The following PPM1E variants were observed in gnomAD, a reference collection of about 807,000 sequenced individuals.
The protein encoded by PPM1E is protein phosphatase, Mg2+/Mn2+ dependent 1E.
Under a neutral mutation model 65.9 loss-of-function variants are expected in PPM1E, and 20 were observed. The ratio of observed to expected loss-of-function variants is 0.30; its 90% CI spans 0.21 to 0.44. The LOEUF (loss-of-function observed/expected upper bound fraction) is 0.44, where lower values mean the gene tolerates loss of function less well. PPM1E is among the 20% of genes least tolerant of loss of function. The pLI, the probability that PPM1E is intolerant of heterozygous loss-of-function variation, is 1.00. For synonymous variants in PPM1E, 352 were observed against 374.9 expected (o/e 0.94, Z 0.70); for missense variants, 713 against 953.1 (o/e 0.75, Z 3.32).
intron 6 of PPM1E, among the ~76,000 whole-genome samples, chr17:58,974,857 A>G (rs2030894586): frequency 6.6e-6 from 1 of 152,212 alleles, no homozygotes; most frequent in African/African-American, 2.4e-5. Flanking sequence ...AAATATGAGT[A>G]GAAAGCTGAA....
At chr17:58,859,640 T>G (rs893418103) in intron 1 of PPM1E, among the ~76,000 whole-genome samples, 2 of 152,236 alleles carry the variant, frequency 1.3e-5, no homozygotes, top group Non-Finnish European at 2.9e-5. Flanking sequence ...GCATCTTCAG[T>G]TAAAGTATTT....
rs779202640 is a variant in PPM1E at position 58,980,209 on chromosome 17, G to A, written c.1446G>A (p.Thr482=). The change falls in exon 7 of 7, where the codon ACG becomes ACA. Residue 482 remains threonine, a synonymous_variant. Transcript: ENST00000308249. This position sits in a 1 kb window ranked among gnomAD's most constrained non-coding sequence, Gnocchi z 4.7. ...ATGCTGGGTCAAGTGATAACATCACGGTTATTGTGGTATTCCTGAGGGACA... is the reference window on the plus strand; with the variant it reads ...ATGCTGGGTCAAGTGATAACATCACAGTTATTGTGGTATTCCTGAGGGACA... ...ARDAGSSDNI[T]VIVVFLRDMN... 4.5e-4 allele frequency: 720 copies of A among 1,614,028 alleles called. 1 individual carries two copies. Among genetic ancestry groups the A allele is most frequent in the Non-Finnish European group, 5.8e-4 (683 of 1,180,032 alleles).
intron 1 of PPM1E, among the ~76,000 whole-genome samples, chr17:58,953,076 C>A (rs1438835262): frequency 6.6e-6 from 1 of 152,158 alleles, no homozygotes; most frequent in Middle Eastern, 3.2e-3. Context: ...CCCGCTGTAA[C>A]CCAATATACC....
chr17:58,867,324 G>A (rs1433052620), intron 1 of PPM1E, among the ~76,000 whole-genome samples: 1 of 152,136 alleles, frequency 6.6e-6, no homozygotes, highest in Non-Finnish European at 1.5e-5. Context: ...ACTCAAAATT[G>A]TTACTACCAG....
chr17:58,769,762 C>T (rs1159394958), intron 1 of PPM1E, among the ~76,000 whole-genome samples: 1 of 152,014 alleles, frequency 6.6e-6, no homozygotes, highest in African/African-American at 2.4e-5. Flanking sequence ...TGTGGTGGCT[C>T]ATGCCTGTAA....
At chr17:58,830,169 T>C (rs1598597926) in intron 1 of PPM1E, among the ~76,000 whole-genome samples, 1 of 152,248 alleles carries the variant, frequency 6.6e-6, no homozygotes, top group East Asian at 1.9e-4. Context: ...AGCAAGACAC[T>C]GTCTCTCTAA....
chr17:58,859,310 C>G (rs1392196920), intron 1 of PPM1E, among the ~76,000 whole-genome samples: 1 of 152,194 alleles, frequency 6.6e-6, no homozygotes, highest in African/African-American at 2.4e-5. Context: ...GAAGATGCAG[C>G]TGCATGCTAC....
intron 1 of PPM1E, among the ~76,000 whole-genome samples, chr17:58,847,753 G>A (rs1220121285): frequency 1.3e-5 from 2 of 152,172 alleles, no homozygotes; most frequent in Non-Finnish European, 2.9e-5. Context: ...TGGCAATGCA[G>A]GCTCTTTTTT....
intron 1 of PPM1E, among the ~76,000 whole-genome samples, chr17:58,784,493 C>A (rs997179223): frequency 4.7e-5 from 7 of 149,188 alleles, no homozygotes; most frequent in African/African-American, 1.5e-4. Context: ...TTACCCTCCT[C>A]CCCCCCACCA....
At chr17:58,777,203 G>A (rs577447223) in intron 1 of PPM1E, among the ~76,000 whole-genome samples, 10 of 152,212 alleles carry the variant, frequency 6.6e-5, no homozygotes, top group African/African-American at 2.4e-4. Flanking sequence ...CCCAGCTTGG[G>A]TGACAGAGTG....
At chr17:58,977,171 G>A (rs1471101392) in intron 6 of PPM1E, among the ~76,000 whole-genome samples, 8 of 152,108 alleles carry the variant, frequency 5.3e-5, no homozygotes, top group Admixed American at 2.0e-4. Context: ...AGGGCTGGGC[G>A]CGGTGGCTCA....
At chr17:58,804,794 T>C (rs1383896603) in intron 1 of PPM1E, among the ~76,000 whole-genome samples, 1 of 152,202 alleles carries the variant, frequency 6.6e-6, no homozygotes, top group Non-Finnish European at 1.5e-5. Context: ...ATGGGGTACA[T>C]GTCATATTTT....
chr17:58,761,718 A>G (rs1281509929), intron 1 of PPM1E, among the ~76,000 whole-genome samples: 2 of 152,058 alleles, frequency 1.3e-5, no homozygotes, highest in African/African-American at 4.8e-5. Flanking sequence ...CCGTCCTCAC[A>G]CTCATCATGA....
Position 58,969,685 on chromosome 17 carries a change from C to T in PPM1E, c.930C>T (p.Phe310=). The T allele has an allele frequency of 6.2e-7, 1 of 1,614,152 alleles. No individual in the cohort carries two copies. Among genetic ancestry groups the T allele is most frequent in the East Asian group, 2.2e-5 (1 of 44,882 alleles). ...CTGCTGAGGCCCTGTGCAGGGCCTT[C>T]CGGGTCACTGATGAGCGGTTTGTGC... ...HDPAEALCRA[F]RVTDERFVQK... The change falls in exon 4 of 7, where the codon TTC becomes TTT. Residue 310 remains phenylalanine (F), a synonymous_variant. Transcript: ENST00000308249.
At chr17:58,886,499 T>C (rs2051266759) in intron 1 of PPM1E, among the ~76,000 whole-genome samples, 1 of 152,188 alleles carries the variant, frequency 6.6e-6, no homozygotes, top group African/African-American at 2.4e-5. Flanking sequence ...CAGGTTCCTT[T>C]ACCTATGGTT....
chr17:58,758,312 G>A (rs2049788874), intron 1 of PPM1E, among the ~76,000 whole-genome samples: 1 of 152,092 alleles, frequency 6.6e-6, no homozygotes, highest in South Asian at 2.1e-4. Flanking sequence ...GGCAGATCAT[G>A]AGGTCAGGAG....
intron 1 of PPM1E, among the ~76,000 whole-genome samples, chr17:58,808,596 A>G (rs547651882): frequency 9.5e-4 from 145 of 152,212 alleles, no homozygotes; most frequent in Non-Finnish European, 1.8e-3. Context: ...GGAGAGAGAA[A>G]AAGAGTATAA....
intron 1 of PPM1E, among the ~76,000 whole-genome samples, chr17:58,933,808 A>G (rs1300890634): frequency 2.0e-5 from 3 of 151,220 alleles, no homozygotes; most frequent in Admixed American, 1.3e-4. Flanking sequence ...AGAAAAAAAA[A>G]AAAAAAGGCT....
intron 1 of PPM1E, among the ~76,000 whole-genome samples, chr17:58,807,492 G>C (rs2050327070): frequency 6.6e-6 from 1 of 152,074 alleles, no homozygotes; most frequent in African/African-American, 2.4e-5. Flanking sequence ...AAAATGTTCT[G>C]GAATTAGATA....
Sources: gnomAD v4.1 joint callset for allele counts (sites outside exome capture counted in the v4.1 genomes callset) on GRCh38, gnomAD v4.1.1 for gene constraint, Gnocchi (gnomAD v3.1) non-coding constraint, MANE v1.5 for transcripts, NCBI Gene and HGNC (gene_info 2026-07-23, HGNC 2026-07-21) for gene names.